Variants in TEX9 observed in about 807,000 individuals in gnomAD.
TEX9 encodes testis expressed 9.
A neutral mutation model predicts 59.6 loss-of-function variants in TEX9; 74 were observed. The ratio of observed to expected loss-of-function variants is 1.24; its 90% CI spans 1.03 to 1.51. TEX9 has a LOEUF of 1.51. TEX9 is among the 40% of genes most tolerant of loss of function. The pLI, the probability that TEX9 is intolerant of heterozygous loss-of-function variation, is 0.00. For synonymous variants in TEX9, 186 were observed against 152.2 expected (o/e 1.22, Z -1.64); for missense variants, 522 against 447.8 (o/e 1.17, Z -1.49).
intron 1 of TEX9, among the ~76,000 whole-genome samples, chr15:56,278,404 C>A (rs528547626): frequency 6.6e-6 from 1 of 152,144 alleles, no homozygotes; most frequent in African/African-American, 2.4e-5. Context: ...AGGTTAGTTG[C>A]GGGTTGCCGT....
At chr15:56,403,248 C>G (rs1396258121) in intron 9 of TEX9, among the ~76,000 whole-genome samples, 1 of 152,218 alleles carries the variant, frequency 6.6e-6, no homozygotes, top group African/African-American at 2.4e-5. Context: ...ATCGTCTCAG[C>G]CCAAAATCTC....
intron 1 of TEX9, chr15:56,323,620 G>T: frequency 6.3e-6 from 1 of 157,556 alleles, no homozygotes; most frequent in South Asian, 1.7e-4. Flanking sequence ...GAGATGTCAA[G>T]GCTGAAAAAA....
chr15:56,426,064 TG>T (rs1333554201), intron 10 of TEX9, among the ~76,000 whole-genome samples: 3 of 152,170 alleles, frequency 2.0e-5, no homozygotes, highest in Non-Finnish European at 4.4e-5. Context: ...CATAATTTTT[TG>T]CCACCAGGTT....
the TEX9 span, among the ~76,000 whole-genome samples, chr15:56,459,848 G>T: frequency 6.6e-6 from 1 of 150,392 alleles, no homozygotes; most frequent in African/African-American, 2.5e-5. Context: ...GAATTAGCTG[G>T]GTGTGGTGGT....
At chr15:56,300,708 G>GGGAGAGAGAGAGAGAGAGAGA (rs1160272154) in intron 1 of TEX9, among the ~76,000 whole-genome samples, 11 of 102,702 alleles carry the variant, frequency 1.1e-4, no homozygotes, top group East Asian at 3.6e-4. Context: ...AGAGAGAGAG[G>GGGAGAGAGAGAGAGAGAGAGA]GAGAGAGAGA....
chr15:56,267,188 T>C (rs1347114269), intron 1 of TEX9, among the ~76,000 whole-genome samples: 3 of 152,216 alleles, frequency 2.0e-5, no homozygotes, highest in Non-Finnish European at 4.4e-5. Flanking sequence ...ATTTTCTTCC[T>C]GTAAATTTGT....
intron 9 of TEX9, among the ~76,000 whole-genome samples, chr15:56,412,100 T>C (rs1176795939): frequency 6.6e-6 from 1 of 152,148 alleles, no homozygotes; most frequent in Non-Finnish European, 1.5e-5. Flanking sequence ...TTAGGATATA[T>C]TTCTCTAATA....
In TEX9 at chr15:56,432,379, G is replaced by A. The variant is rs551133641; in HGVS notation, c.*29+3906G>A. Among the ~76,000 whole-genome samples the A allele has an allele frequency of 1.2e-4, 19 of 152,280 alleles. No homozygotes were observed. The South Asian group carries it at 3.7e-3, about 30-fold the overall frequency. On this transcript the variant is annotated intron_variant, in intron 12 of 12. Transcript: ENST00000352903. ...TCCTGGGAAGTTTCAGATTTTGTCT[G>A]ACCGTATGATTTTCGTAGAGGTAGA...
At chr15:56,321,227 T>G (rs1235008619) in intron 1 of TEX9, among the ~76,000 whole-genome samples, 1 of 152,146 alleles carries the variant, frequency 6.6e-6, no homozygotes, top group African/African-American at 2.4e-5. Context: ...AGTTTGACTT[T>G]GACATTTAAA....
rs775078058 is a variant in TEX9 at position 56,251,353 on chromosome 15, T to G, written c.-107+7075T>G. 8.1e-4 allele frequency among the ~76,000 whole-genome samples: 123 copies of G among 152,172 alleles called. 3 individuals are homozygous for G. The highest frequency in any genetic ancestry group is 1.5e-3 in the Non-Finnish European group (100 of 68,030). The stretch of plus-strand genomic sequence containing the variant: ...CACCCTCCAAGCCTGGCTCTGTTGA[T>G]GTAAGCTTCCATCCTTGTCTCTTGT... On this transcript the variant is annotated intron_variant, in intron 1 of 5. Coordinates refer to the TEX9 transcript ENST00000560827.
chr15:56,268,070 T>G (rs1484662441), intron 1 of TEX9, among the ~76,000 whole-genome samples: 47 of 152,214 alleles, frequency 3.1e-4, no homozygotes, highest in Admixed American at 3.0e-3. Flanking sequence ...GTAGGTATTT[T>G]ATTCTCTTTG....
chr15:56,432,618 T>A (rs554546609), intron 12 of TEX9, among the ~76,000 whole-genome samples: 1 of 152,196 alleles, frequency 6.6e-6, no homozygotes, highest in Non-Finnish European at 1.5e-5. Flanking sequence ...ATTATTTGTA[T>A]AAGTATCTAT....
chr15:56,256,066 CCTT>C (rs1475109566), intron 1 of TEX9, among the ~76,000 whole-genome samples: 8 of 151,746 alleles, frequency 5.3e-5, no homozygotes, highest in Non-Finnish European at 1.2e-4. Context: ...AAAAACCACT[CCTT>C]TAATACAAAA....
At chr15:56,299,307 G>A (rs539324412) in intron 1 of TEX9, among the ~76,000 whole-genome samples, 1 of 152,350 alleles carries the variant, frequency 6.6e-6, no homozygotes, top group East Asian at 1.9e-4. Context: ...AGCGCAGAAA[G>A]TAGCCAGTGC....
intron 12 of TEX9, among the ~76,000 whole-genome samples, chr15:56,443,158 A>G (rs2050848127): frequency 1.3e-5 from 2 of 152,204 alleles, no homozygotes; most frequent in South Asian, 4.1e-4. Context: ...ATCTTTCACC[A>G]TCCTTTTGCT....
At chr15:56,453,653 T>C in the TEX9 span, among the ~76,000 whole-genome samples, 1 of 152,182 alleles carries the variant, frequency 6.6e-6, no homozygotes, top group African/African-American at 2.4e-5. Context: ...CAATTAATTA[T>C]AACTACTAAT....
At chr15:56,248,249 T>C (rs1219610409) in intron 1 of TEX9, among the ~76,000 whole-genome samples, 5 of 152,252 alleles carry the variant, frequency 3.3e-5, no homozygotes, top group Non-Finnish European at 7.3e-5. Flanking sequence ...TTGGCAAATT[T>C]TGATACATGT....
At chr15:56,388,648 A>C in intron 5 of TEX9, 128 bp downstream of exon 5, 1 of 653,412 alleles carries the variant, frequency 1.5e-6, no homozygotes, top group Non-Finnish European at 2.6e-6. Context: ...CTTGATACTC[A>C]GAGGGATGCA....
At chr15:56,255,260 T>A (rs1441158843) in intron 1 of TEX9, among the ~76,000 whole-genome samples, 2 of 152,108 alleles carry the variant, frequency 1.3e-5, no homozygotes, top group Non-Finnish European at 2.9e-5. Context: ...AGGGGGCAGG[T>A]GAACCCCTGT....
Sources: gnomAD v4.1 joint callset for allele counts (sites outside exome capture counted in the v4.1 genomes callset) on GRCh38, gnomAD v4.1.1 for gene constraint, MANE v1.5 for transcripts, NCBI Gene and HGNC (gene_info 2026-07-23, HGNC 2026-07-21) for gene names.